The following KIAA1549L variants were observed in gnomAD, a reference collection of about 807,000 sequenced individuals.
The protein encoded by KIAA1549L is UPF0606 protein KIAA1549L.
A neutral mutation model predicts 160.7 loss-of-function variants in KIAA1549L; 88 were observed. The observed-to-expected ratio is 0.55, with a 90% CI of 0.46 to 0.65. The LOEUF (loss-of-function observed/expected upper bound fraction) is 0.65, where lower values mean the gene tolerates loss of function less well. KIAA1549L is among the 30% of genes least tolerant of loss of function. The pLI is 0.00. For synonymous variants in KIAA1549L, 950 were observed against 976.7 expected, an observed-to-expected ratio of 0.97 and a Z score of 0.51; for missense variants, 2,258 against 2,437.5, an observed-to-expected ratio of 0.93 and a Z score of 1.55.
intron 1 of KIAA1549L, among the ~76,000 whole-genome samples, chr11:33,391,289 G>A (rs780483565): frequency 6.6e-6 from 1 of 152,144 alleles, no homozygotes; most frequent in African/African-American, 2.4e-5. Context: ...TTTCTGGCAC[G>A]GAAAGGTGAA....
At chr11:33,651,875 C>CA (rs1441755861) in intron 17 of KIAA1549L, among the ~76,000 whole-genome samples, 1 of 90,070 alleles carries the variant, frequency 1.1e-5, no homozygotes. Context: ...TCCCCTCCCC[C>CA]CCTTTCTCCT....
chr11:33,478,916 C>T (rs2133043383), intron 1 of KIAA1549L, among the ~76,000 whole-genome samples: 1 of 152,264 alleles, frequency 6.6e-6, no homozygotes, highest in East Asian at 1.9e-4. Flanking sequence ...CAGGTGTCAG[C>T]CACCATGCCC....
In KIAA1549L at chr11:33,618,647, C is replaced by T. The variant is rs751734282; in HGVS notation, c.5394C>T (p.Arg1798=). The T allele has an allele frequency of 5.6e-6, 9 of 1,595,098 alleles. No homozygotes were observed. Among genetic ancestry groups the T allele is most frequent in the African/African-American group, 1.3e-5 (1 of 74,620 alleles). The change falls in exon 16 of 21, where the codon CGC becomes CGT. Residue 1798 remains arginine (R), a synonymous_variant. Transcript: ENST00000658780. The part of the protein sequence containing the change: ...VTRERPRRGI[R]NSGYDTEPEI... Reference sequence around the variant, plus strand: ...GGGAGCGACCCCGGCGTGGAATCCGCAACAGCGGATACGATGTGAGTCTCT... The same window carrying T: ...GGGAGCGACCCCGGCGTGGAATCCGTAACAGCGGATACGATGTGAGTCTCT...
intron 1 of KIAA1549L, among the ~76,000 whole-genome samples, chr11:33,500,532 T>C (rs565057859): frequency 6.6e-6 from 1 of 152,320 alleles, no homozygotes; most frequent in East Asian, 1.9e-4. Context: ...TCTGAACAAC[T>C]GCATTCCTCA....
chr11:33,656,042 G>A lies in KIAA1549L; in HGVS notation c.5791G>A (p.Val1931Ile), dbSNP rs760039701. 1 of 1,613,924 alleles carries A rather than the reference G, an allele frequency of 6.2e-7. No individual in the cohort carries two copies. The highest frequency in any genetic ancestry group is 2.2e-5 in the East Asian group (1 of 44,892). The stretch of plus-strand genomic sequence containing the variant: ...CAGGTTTTCCCAGCTTCCTGAGATG[G>A]TCATGGGCTCACCGCCTCCACCCGT... ...AYRFSQLPEM[V>I]MGSPPPPVPP... The change falls in exon 18 of 21, where the codon GTC (valine) becomes ATC (isoleucine). Residue 1931 changes from valine to isoleucine, a missense_variant. Physicochemically the swap from Val to Ile is conservative, Grantham distance 29. Around this residue, in one of 6 missense-constraint regions of KIAA1549L, gnomAD observed 1,359 missense variants for 1,546.6 expected, o/e 0.88. Transcript: ENST00000658780.
chr11:33,626,237 A>G (rs1851109379), intron 16 of KIAA1549L, among the ~76,000 whole-genome samples: 1 of 141,540 alleles, frequency 7.1e-6, no homozygotes, highest in African/African-American at 2.8e-5. Flanking sequence ...TGACTTGGCA[A>G]TGCGGGCTCT....
chr11:33,533,671 C>T (rs569540704), intron 1 of KIAA1549L, among the ~76,000 whole-genome samples: 3 of 152,328 alleles, frequency 2.0e-5, no homozygotes, highest in African/African-American at 7.2e-5. Context: ...TTGTCTGGCT[C>T]AGACAAGCTT....
chr11:33,453,023 C>T (rs943684317), intron 1 of KIAA1549L, among the ~76,000 whole-genome samples: 2 of 152,206 alleles, frequency 1.3e-5, no homozygotes. Context: ...ATCTTTCCAG[C>T]CAGACTTAGA....
intron 4 of KIAA1549L, among the ~76,000 whole-genome samples, chr11:33,549,187 A>C (rs1015080729): frequency 2.0e-5 from 3 of 151,982 alleles, no homozygotes; most frequent in African/African-American, 4.8e-5. Context: ...ACTTAAGCAC[A>C]TTTTTTTGAA....
Position 33,606,752 on chromosome 11 carries a change from C to A in KIAA1549L, c.4991C>A (p.Pro1664His). 1 of 1,613,748 alleles carries A rather than the reference C, an allele frequency of 6.2e-7. No individual in the cohort carries two copies. The highest frequency in any genetic ancestry group is 8.5e-7 in the Non-Finnish European group (1 of 1,179,808). Residue 1664 changes from proline to histidine, a missense_variant, in exon 14 of 21, where the codon CCC becomes CAC. Transcript: ENST00000658780. ...TCTGTGCAGCTCATTGCCATAAAAC[C>A]CACAGCCCTCCCCATGGTGCCCCCC... is the stretch of plus-strand genomic sequence containing the variant. ...SGSVQLIAIKPTALPMVPPTS... is the reference protein window; with the variant it reads ...SGSVQLIAIKHTALPMVPPTS...
intron 1 of KIAA1549L, among the ~76,000 whole-genome samples, chr11:33,487,078 C>T (rs1285657525): frequency 1.3e-5 from 2 of 152,234 alleles, no homozygotes; most frequent in Non-Finnish European, 2.9e-5. Flanking sequence ...CATTTTTCCA[C>T]TCTGCCTCGA....
At chr11:33,530,428 A>T (rs1853722857) in intron 1 of KIAA1549L, among the ~76,000 whole-genome samples, 5 of 20,552 alleles carry the variant, frequency 2.4e-4, no homozygotes, top group African/African-American at 5.5e-4. Flanking sequence ...AAAAAAAAAA[A>T]AAAAAAAAAT....
chr11:33,407,080 C>CTTTTTTTTTTTTTTT (rs1491483483), intron 1 of KIAA1549L, among the ~76,000 whole-genome samples: 1 of 79,594 alleles, frequency 1.3e-5, no homozygotes, highest in Non-Finnish European at 2.4e-5. Flanking sequence ...TTTCTTTTTT[C>CTTTTTTTTTTTTTTT]ATTTTTTTTT....
intron 8 of KIAA1549L, 60 bp downstream of exon 8, chr11:33,561,795 A>C: frequency 8.2e-7 from 1 of 1,221,592 alleles, no homozygotes; most frequent in Non-Finnish European, 1.2e-6. Flanking sequence ...ATTTTTTTTA[A>C]ACTGTAGGCC....
Position 33,555,985 on chromosome 11 carries a change from ATTAAG to A in KIAA1549L, c.3855+3745_3855+3749del, listed in dbSNP as rs149490151. 9.0e-3 allele frequency among the ~76,000 whole-genome samples: 1,376 copies of A among 152,336 alleles called. 17 individuals carry two copies. The highest frequency in any genetic ancestry group is 0.031 in the African/African-American group (1,306 of 41,570). ...TAATAAAAACAAACAAAAAAATCCA[ATTAAG>A]AAATGAGCAAAGGACTTGAATAGAC... On this transcript the variant is annotated intron_variant, in intron 6 of 20. Transcript: ENST00000658780.
intron 1 of KIAA1549L, among the ~76,000 whole-genome samples, chr11:33,537,345 G>A (rs1041918925): frequency 6.6e-6 from 1 of 152,162 alleles, no homozygotes. Context: ...CCATAGAACT[G>A]TGAGTTCCAT....
chr11:33,577,241 A>G (rs964407431), intron 10 of KIAA1549L, among the ~76,000 whole-genome samples: 1 of 152,220 alleles, frequency 6.6e-6, no homozygotes, highest in African/African-American at 2.4e-5. Context: ...TGGTTTTGCA[A>G]CCAAATGGGC....
chr11:33,493,084 CT>C (rs1262620037), intron 1 of KIAA1549L, among the ~76,000 whole-genome samples: 1 of 152,146 alleles, frequency 6.6e-6, no homozygotes, highest in Non-Finnish European at 1.5e-5. Context: ...AGGTCTTGGT[CT>C]TTCCCTTGTG....
chr11:33,523,612 A>G (rs1853546788), intron 1 of KIAA1549L, among the ~76,000 whole-genome samples: 1 of 152,234 alleles, frequency 6.6e-6, no homozygotes, highest in South Asian at 2.1e-4. Flanking sequence ...GTACAAGGCT[A>G]GGATTACACA....
Sources: gnomAD v4.1 joint callset for allele counts (sites outside exome capture counted in the v4.1 genomes callset) on GRCh38, gnomAD v4.1.1 for gene constraint, gnomAD v4.1.1 regional missense constraint, MANE v1.5 for transcripts, NCBI Gene and HGNC (gene_info 2026-07-23, HGNC 2026-07-21) for gene names.